Variants in LTB4R observed in about 807,000 individuals in gnomAD.
LTB4R encodes the protein leukotriene B4 receptor 1.
For missense variants in LTB4R, 470 were observed against 485.6 expected (o/e 0.97, Z 0.30); for synonymous variants, 250 against 230.7 (o/e 1.08, Z -0.76).
chr14:24,314,299 A>G (rs913595463), intron 1 of LTB4R: 1 of 152,196 alleles, frequency 6.6e-6, no homozygotes, highest in African/African-American at 2.4e-5. Context: ...TGGTTGACCT[A>G]AATGGAACCA....
chr14:24,314,316 TTAAG>T (rs1406383785), intron 1 of LTB4R: 1 of 152,158 alleles, frequency 6.6e-6, no homozygotes, highest in Admixed American at 6.5e-5. Flanking sequence ...ACCAGTCCCT[TTAAG>T]TAAGGGGAGG....
chr14:24,315,821 T>C lies in LTB4R; in HGVS notation c.170T>C (p.Val57Ala). ...AAGCGCTCTGTCACTGCCCTGATGGTGCTGAACCTGGCCCTGGCCGACCTG... is the reference window on the plus strand; with the variant it reads ...AAGCGCTCTGTCACTGCCCTGATGGCGCTGAACCTGGCCCTGGCCGACCTG... ...MQKRSVTALM[V>A]LNLALADLAV... The change falls in exon 2 of 2, where the codon GTG becomes GCG. Residue 57 changes from valine to alanine, a missense_variant. Physicochemically the swap from Val to Ala is moderately conservative, Grantham distance 64. Coordinates refer to ENST00000345363, the MANE Select transcript of LTB4R (RefSeq NM_001143919.3). 6.2e-7 allele frequency: 1 copy of C among 1,614,248 alleles called. No homozygotes were observed. The highest frequency in any genetic ancestry group is 8.5e-7 in the Non-Finnish European group (1 of 1,180,038).
At chr14:24,312,251 G>C (rs2041723185) in intron 1 of LTB4R, among the ~76,000 whole-genome samples, 1 of 152,232 alleles carries the variant, frequency 6.6e-6, no homozygotes, top group African/African-American at 2.4e-5. Context: ...AGGTATGGGA[G>C]CTTGGATGAG....
At position 24,315,650 on chromosome 14, in the gene LTB4R, C is replaced by CCATGAACACTACAT. The variant is rs1304305586; in HGVS notation, c.1_14dup. 6.2e-7 allele frequency: 1 copy of CCATGAACACTACAT among 1,611,946 alleles called. No individual in the cohort carries two copies. On this transcript the variant is annotated 5_prime_UTR_variant, in exon 2 of 2. The change creates a new upstream start codon in the 5' untranslated region. Coordinates refer to ENST00000345363, the MANE Select transcript of LTB4R (RefSeq NM_001143919.3). ...CTCACTCTCCAGGTCCTCCCGACGG[C>CCATGAACACTACAT]CATGAACACTACATCTTCTGCAGCA...
rs946039978 is a variant in LTB4R, at chr14:24,315,684, A to G, written c.33A>G (p.Ser11=). MNTTSSAAPP[S]LGVEFISLLA... ...CTACATCTTCTGCAGCACCCCCCTCACTAGGTGTAGAGTTCATCTCTCTGC... is the reference window on the plus strand; with the variant it reads ...CTACATCTTCTGCAGCACCCCCCTCGCTAGGTGTAGAGTTCATCTCTCTGC... Residue 11 remains serine, a synonymous_variant, in exon 2 of 2, where the codon TCA becomes TCG. Coordinates refer to ENST00000345363, the MANE Select transcript of LTB4R (RefSeq NM_001143919.3). 4 of 1,613,834 alleles carry G rather than the reference A, an allele frequency of 2.5e-6. No individual in the cohort carries two copies. Among genetic ancestry groups the G allele is most frequent in the Non-Finnish European group, 3.4e-6 (4 of 1,179,972 alleles).
intron 1 of LTB4R, chr14:24,313,609 G>A (rs1162952032): frequency 1.4e-5 from 2 of 148,068 alleles, no homozygotes; most frequent in African/African-American, 5.0e-5. Context: ...TTTTTGAGAT[G>A]GAGTCTCGCT....
In LTB4R at chr14:24,316,556, C is replaced by A; in HGVS notation, c.905C>A (p.Ala302Asp). The A allele has an allele frequency of 7.7e-6, 11 of 1,436,742 alleles. No individual in the cohort carries two copies. Among genetic ancestry groups the A allele is most frequent in the Non-Finnish European group, 1.0e-5 (11 of 1,102,658 alleles). 89.0% of individuals were successfully genotyped at this position (1,436,742 alleles called of 1,614,324 possible). A position where few individuals can be genotyped will look rare whatever the true frequency, so the allele number is the denominator to read the frequency against. The change falls in exon 2 of 2, where the codon GCC (alanine) becomes GAC (aspartate). Residue 302 changes from alanine (A) to aspartate (D), a missense_variant. Physicochemically the swap from Ala to Asp is moderately radical, Grantham distance 126 (BLOSUM62 -2). Transcript: ENST00000345363. ...LLRSAGVGFV[A>D]KLLEGTGSEA... The stretch of plus-strand genomic sequence containing the variant: ...CGCTCGGCGGGCGTGGGCTTCGTCG[C>A]CAAGCTGCTGGAGGGCACGGGCTCC...
rs1313466597 is a variant in LTB4R, at chr14:24,318,012, A to G, written c.*1302A>G. 1 of 213,288 alleles carries G rather than the reference A, an allele frequency of 4.7e-6. No individual in the cohort carries two copies. 13.2% of individuals were successfully genotyped at this position (213,288 alleles called of 1,614,324 possible). ...CTTATTTAGTGTTTGTCGAATTAAT[A>G]AAGTTCAAATGACATTTCCCTGGAG... On this transcript the variant is annotated 3_prime_UTR_variant, in exon 2 of 2. Transcript: ENST00000345363.
intron 1 of LTB4R, chr14:24,313,482 C>T (rs1459670194): frequency 6.6e-6 from 1 of 152,016 alleles, no homozygotes; most frequent in African/African-American, 2.4e-5. Context: ...TAAGGGACCT[C>T]AGTGGCCACC....
Position 24,317,471 on chromosome 14 carries a change from G to A in LTB4R, c.*761G>A, listed in dbSNP as rs1273762664. The stretch of plus-strand genomic sequence containing the variant: ...ACAACACACCCTGGCACAGGGTGGG[G>A]CTGAGGGCCCCAGGAAACAAAGATT... On this transcript the variant is annotated 3_prime_UTR_variant, in exon 2 of 2. Transcript: ENST00000345363. The A allele has an allele frequency of 6.0e-6, 1 of 167,116 alleles. No homozygotes were observed. The highest frequency in any genetic ancestry group is 1.5e-5 in the Non-Finnish European group (1 of 68,120). 10.4% of individuals were successfully genotyped at this position (167,116 alleles called of 1,614,324 possible).
At chr14:24,315,315 T>G (rs2041758426) in intron 1 of LTB4R, among the ~76,000 whole-genome samples, 1 of 151,894 alleles carries the variant, frequency 6.6e-6, no homozygotes, top group Non-Finnish European at 1.5e-5. Flanking sequence ...AGGAACTCTG[T>G]TTGGTTCTGG....
chr14:24,315,295 C>T (rs1308079088), intron 1 of LTB4R, among the ~76,000 whole-genome samples: 1 of 152,072 alleles, frequency 6.6e-6, no homozygotes, highest in African/African-American at 2.4e-5. Flanking sequence ...TCAAGGGGTG[C>T]AGCATTGGTA....
chr14:24,312,901 CAACA>C (rs967827852), intron 1 of LTB4R, among the ~76,000 whole-genome samples: 1 of 152,112 alleles, frequency 6.6e-6, no homozygotes, highest in Non-Finnish European at 1.5e-5. Flanking sequence ...GCCGGTTTCC[CAACA>C]AACTGAGATG....
chr14:24,315,922 C>T lies in LTB4R; in HGVS notation c.271C>T (p.Arg91Cys), dbSNP rs754290988. 12 of 1,614,078 alleles carry T rather than the reference C, an allele frequency of 7.4e-6. No homozygotes were observed. The highest frequency in any genetic ancestry group is 4.0e-5 in the African/African-American group (3 of 74,940). Residue 91 changes from arginine to cysteine, a missense_variant, in exon 2 of 2, where the codon CGC becomes TGC. Arg to Cys is a radical substitution (Grantham distance 180, BLOSUM62 -3). Transcript: ENST00000345363. ...GTWSFGLAGC[R>C]LCHYVCGVSM... Reference sequence around the variant, plus strand: ...CTGGAGTTTTGGACTGGCTGGTTGCCGCCTGTGTCACTATGTCTGCGGAGT... The same window carrying T: ...CTGGAGTTTTGGACTGGCTGGTTGCTGCCTGTGTCACTATGTCTGCGGAGT...
chr14:24,317,723 C>T lies in LTB4R; in HGVS notation c.*1013C>T, dbSNP rs1327570216. The T allele has an allele frequency of 6.0e-6, 1 of 166,956 alleles. No homozygotes were observed. The highest frequency in any genetic ancestry group is 1.5e-5 in the Non-Finnish European group (1 of 68,114). The allele number at this position is 166,956 out of a possible 1,614,324, so 10.3% of individuals were successfully genotyped here. ...ATCTAGTATGTCAAGGTTTGACATA[C>T]TCCCATGGACCCCAAAGTATGAGCC... On this transcript the variant is annotated 3_prime_UTR_variant, in exon 2 of 2. Transcript: ENST00000345363.
In LTB4R at chr14:24,316,127, T is replaced by C; in HGVS notation, c.476T>C (p.Val159Ala). ...CCCGTCCTCGCGTACCGCACAGTAG[T>C]GCCCTGGAAAACGAACATGAGCCTG... ...ATPVLAYRTV[V>A]PWKTNMSLCF... Residue 159 changes from valine (V) to alanine (A), a missense_variant, in exon 2 of 2, where the codon GTG (valine) becomes GCG (alanine). Transcript: ENST00000345363. 1 of 1,613,838 alleles carries C rather than the reference T, an allele frequency of 6.2e-7. No individual in the cohort carries two copies. Among genetic ancestry groups the C allele is most frequent in the Middle Eastern group, 1.6e-4 (1 of 6,062 alleles).
chr14:24,312,699 C>T (rs2041729645), intron 1 of LTB4R, among the ~76,000 whole-genome samples: 1 of 152,248 alleles, frequency 6.6e-6, no homozygotes, highest in Non-Finnish European at 1.5e-5. Context: ...TCTCTGCCCC[C>T]ACCTTTTGGA....
At position 24,316,992 on chromosome 14, in the gene LTB4R, G is replaced by T. The variant is rs2041782681; in HGVS notation, c.*282G>T. ...TGCTGTGGGTATCGGGGTGCTCGTG[G>T]GCGCCCTGGTGGGGCCCCTCTCGGT... On this transcript the variant is annotated 3_prime_UTR_variant, in exon 2 of 2. Transcript: ENST00000345363. The T allele has an allele frequency of 2.9e-6, 1 of 347,284 alleles. No homozygotes were observed. Among genetic ancestry groups the T allele is most frequent in the Non-Finnish European group, 5.5e-6 (1 of 182,688 alleles). 21.5% of individuals were successfully genotyped at this position (347,284 alleles called of 1,614,324 possible). A position where few individuals can be genotyped will look rare whatever the true frequency, so the allele number is the denominator to read the frequency against.
rs1238228991 is a variant in LTB4R, at chr14:24,317,589, A to G, written c.*879A>G. 2 of 167,068 alleles carry G rather than the reference A, an allele frequency of 1.2e-5. No individual in the cohort carries two copies. The highest frequency in any genetic ancestry group is 4.8e-5 in the African/African-American group (2 of 41,456). 10.3% of individuals were successfully genotyped at this position (167,068 alleles called of 1,614,324 possible). ...ACTCTGTTCTGACAAGGTTTTAGGA[A>G]GATGGCAACAACAGTGGCAGCAGTG... is the stretch of plus-strand genomic sequence containing the variant. On this transcript the variant is annotated 3_prime_UTR_variant, in exon 2 of 2. Coordinates refer to ENST00000345363, the MANE Select transcript of LTB4R (RefSeq NM_001143919.3).
Sources: gnomAD v4.1 joint callset for allele counts (sites outside exome capture counted in the v4.1 genomes callset) on GRCh38, gnomAD v4.1.1 for gene constraint, MANE v1.5 for transcripts, NCBI Gene and HGNC (gene_info 2026-07-23, HGNC 2026-07-21) for gene names.